Variants in PID1 observed in about 807,000 individuals in gnomAD.
PID1 encodes phosphotyrosine interaction domain containing 1.
Under a neutral mutation model 19.1 loss-of-function variants are expected in PID1, and 10 were observed. The ratio of observed to expected loss-of-function variants is 0.52; its 90% CI spans 0.32 to 0.89. The LOEUF is 0.89. PID1 is among the 40% of genes least tolerant of loss of function. The probability of loss-of-function intolerance (pLI) is 0.03; values close to 1 mark genes in which losing one functional copy is unlikely to be tolerated. For missense variants in PID1, 248 were observed against 285.3 expected (o/e 0.87, Z 0.94); for synonymous variants, 130 against 116.0 (o/e 1.12, Z -0.78).
chr2:229,225,443 A>G (rs1198438353), intron 1 of PID1, among the ~76,000 whole-genome samples: 1 of 152,134 alleles, frequency 6.6e-6, no homozygotes, highest in Non-Finnish European at 1.5e-5. Context: ...TGGGAAAAAC[A>G]AAGAAGCAAC....
At chr2:229,111,036 G>A (rs151011187) in intron 2 of PID1, among the ~76,000 whole-genome samples, 2 of 152,254 alleles carry the variant, frequency 1.3e-5, no homozygotes, top group African/African-American at 4.8e-5. Context: ...GAGATCTGAT[G>A]CTTTTATAAG....
At chr2:229,134,692 T>C (rs1334327910) in intron 2 of PID1, among the ~76,000 whole-genome samples, 1 of 152,224 alleles carries the variant, frequency 6.6e-6, no homozygotes, top group Non-Finnish European at 1.5e-5. Flanking sequence ...CCTTATTTTT[T>C]TTTGGCATAA....
chr2:229,244,354 C>G (rs1190826715), intron 1 of PID1, among the ~76,000 whole-genome samples: 1 of 152,136 alleles, frequency 6.6e-6, no homozygotes. Context: ...ATCCAAACAA[C>G]TGCAACCAGC....
intron 1 of PID1, among the ~76,000 whole-genome samples, chr2:229,247,839 A>T (rs1690043884): frequency 6.6e-6 from 1 of 152,222 alleles, no homozygotes; most frequent in South Asian, 2.1e-4. Context: ...ACCAAAACAC[A>T]GCAAGAATAA....
rs142729898 is a variant in PID1, at chr2:229,058,058, G to A, written c.178-31950C>T. 5.2e-3 allele frequency among the ~76,000 whole-genome samples: 792 copies of A among 152,296 alleles called. 4 individuals carry two copies. The highest frequency in any genetic ancestry group is 8.5e-3 in the Non-Finnish European group (577 of 68,026). The stretch of plus-strand genomic sequence containing the variant: ...CTATGGTGAATGGCTGTGTCCCCCA[G>A]GTAGAGGAGAAGCCAGAATAAATAT... On this transcript the variant is annotated intron_variant, in intron 2 of 2. Coordinates refer to ENST00000392055, the MANE Select transcript of PID1 (RefSeq NM_001100818.2).
rs1245233948 is a variant in PID1 at position 229,025,983 on chromosome 2, G to A, written c.303C>T (p.Ala101=). The A allele has an allele frequency of 1.2e-6, 2 of 1,614,206 alleles. No individual in the cohort carries two copies. Among genetic ancestry groups the A allele is most frequent in the Non-Finnish European group, 1.7e-6 (2 of 1,180,032 alleles). Reference sequence around the variant, plus strand: ...CTTGGAATGGCCGGATTTCCAGGAGGGCATTGGCCGGAAAGACATCCTCTC... The same window carrying A: ...CTTGGAATGGCCGGATTTCCAGGAGAGCATTGGCCGGAAAGACATCCTCTC... ...LAREDVFPAN[A]LLEIRPFQVW... is the part of the protein sequence containing the mutation. Residue 101 remains alanine (A), a synonymous_variant, in exon 3 of 3, where the codon GCC becomes GCT. Transcript: ENST00000392055.
chr2:229,126,241 G>C (rs1695619996), intron 2 of PID1, among the ~76,000 whole-genome samples: 1 of 152,146 alleles, frequency 6.6e-6, no homozygotes, highest in South Asian at 2.1e-4. Context: ...CAGTCCCAAA[G>C]GAGGTAGGCT....
At chr2:229,146,484 T>TA (rs754580990) in intron 2 of PID1, among the ~76,000 whole-genome samples, 11 of 152,094 alleles carry the variant, frequency 7.2e-5, no homozygotes, top group Middle Eastern at 3.4e-3. Context: ...TCCCAGAACT[T>TA]AAAGTAAATT....
chr2:229,139,540 C>T (rs1283108058), intron 2 of PID1, among the ~76,000 whole-genome samples: 1 of 152,080 alleles, frequency 6.6e-6, no homozygotes, highest in African/African-American at 2.4e-5. Context: ...AAACAAACAA[C>T]GAACAAAAAA....
At chr2:229,253,513 T>C (rs1690207760) in intron 1 of PID1, among the ~76,000 whole-genome samples, 1 of 150,638 alleles carries the variant, frequency 6.6e-6, no homozygotes, top group Non-Finnish European at 1.5e-5. Flanking sequence ...TGTGGGCCAG[T>C]ACTACGGTAA....
At chr2:229,040,122 A>G (rs893210574) in intron 2 of PID1, among the ~76,000 whole-genome samples, 29 of 146,754 alleles carry the variant, frequency 2.0e-4, no homozygotes, top group African/African-American at 7.3e-4. Context: ...GTTATGTGGA[A>G]AAAAAAAAAA....
At chr2:229,137,466 G>A (rs548401804) in intron 2 of PID1, among the ~76,000 whole-genome samples, 20 of 152,248 alleles carry the variant, frequency 1.3e-4, no homozygotes, top group African/African-American at 3.1e-4. Flanking sequence ...TAGGACTAGC[G>A]TTTAATACTT....
In PID1 at chr2:229,159,759, G is replaced by C. The variant is rs1690454338; in HGVS notation, c.31-3795C>G. ...AAGAGACTTGCCCTTAAGTTTTCCA[G>C]AGTGTTTGACTTGAATTTAAAAAAG... is the stretch of plus-strand genomic sequence containing the variant. On this transcript the variant is annotated intron_variant, in intron 1 of 2. Transcript: ENST00000392055. Among the ~76,000 whole-genome samples, 3 of 152,156 alleles carry C rather than the reference G, an allele frequency of 2.0e-5. No individual in the cohort carries two copies. The South Asian group carries it at 6.2e-4, about 32-fold the overall frequency.
chr2:229,133,658 C>G (rs1356496241), intron 2 of PID1, among the ~76,000 whole-genome samples: 1 of 152,190 alleles, frequency 6.6e-6, no homozygotes, highest in African/African-American at 2.4e-5. Flanking sequence ...GACAACTCAA[C>G]TGATTTGACC....
intron 1 of PID1, among the ~76,000 whole-genome samples, chr2:229,229,153 A>T (rs929266106): frequency 6.6e-6 from 1 of 152,146 alleles, no homozygotes; most frequent in African/African-American, 2.4e-5. Flanking sequence ...CTGAGTAACA[A>T]TTTGTGAGTA....
intron 1 of PID1, among the ~76,000 whole-genome samples, chr2:229,210,050 C>A (rs1016872841): frequency 6.6e-6 from 1 of 151,976 alleles, no homozygotes; most frequent in Admixed American, 6.6e-5. Context: ...TTTATAAAGC[C>A]CGCTTCCCTA....
intron 1 of PID1, among the ~76,000 whole-genome samples, chr2:229,199,720 T>TTTTATATATA (rs780479698): frequency 7.6e-6 from 1 of 132,168 alleles, no homozygotes; most frequent in East Asian, 2.2e-4. Context: ...AATATCTAAT[T>TTTTATATATA]TATATATATA....
chr2:229,223,930 T>A (rs1229603247), intron 1 of PID1, among the ~76,000 whole-genome samples: 4 of 152,204 alleles, frequency 2.6e-5, no homozygotes, highest in Non-Finnish European at 1.5e-5. Flanking sequence ...CTTGATCCCC[T>A]TCCTCCCTCC....
intron 2 of PID1, among the ~76,000 whole-genome samples, chr2:229,056,062 G>C (rs1694093655): frequency 6.6e-6 from 1 of 152,078 alleles, no homozygotes; most frequent in Non-Finnish European, 1.5e-5. Flanking sequence ...TACATAATCT[G>C]GTTATTTTGA....
Sources: allele counts gnomAD v4.1 joint callset (sites outside exome capture counted in the v4.1 genomes callset), GRCh38; gene constraint gnomAD v4.1.1; transcripts MANE v1.5; gene names NCBI Gene and HGNC (gene_info 2026-07-23, HGNC 2026-07-21).